NUDT5: variants seen among roughly 807,000 people sequenced by gnomAD.
The protein encoded by NUDT5 is ADP-sugar pyrophosphatase.
In NUDT5, 21 loss-of-function variants were observed where a neutral mutation model predicts 34.1. The observed-to-expected ratio is 0.62, with a 90% CI of 0.44 to 0.89. The LOEUF (loss-of-function observed/expected upper bound fraction) is 0.89. Ranked by LOEUF, NUDT5 falls within the 40% of genes least tolerant of loss-of-function variation. The probability of loss-of-function intolerance (pLI) is 0.00; values close to 1 mark genes in which losing one functional copy is unlikely to be tolerated. For missense variants in NUDT5, 249 were observed against 274.8 expected (o/e 0.91, Z 0.66); for synonymous variants, 85 against 97.6 (o/e 0.87, Z 0.76).
rs1834714606 is a variant in NUDT5 at position 12,166,985 on chromosome 10, A to G, written c.*717T>C. ...TCAGTCTTACAGATTTGTTTTCAGA[A>G]ACTTCAAGTACTCTTTGAGGTAAGA... On this transcript the variant is annotated 3_prime_UTR_variant, in exon 10 of 10. Transcript: ENST00000491614. 9.0e-6 allele frequency: 2 copies of G among 222,288 alleles called. No individual in the cohort carries two copies. The highest frequency in any genetic ancestry group is 2.3e-5 in the African/African-American group (1 of 43,022). 13.8% of individuals were successfully genotyped at this position (222,288 alleles called of 1,614,324 possible).
Position 12,169,536 on chromosome 10 carries a change from G to T in NUDT5, c.550+1181C>A. 2.1e-6 allele frequency: 1 copy of T among 482,798 alleles called. No homozygotes were observed. The allele number at this position is 482,798 out of a possible 1,614,324, so 29.9% of individuals were successfully genotyped here. ...CGAGCTGCGCTGCCTCGTATTGATT[G>T]TCATGCCTTTCTCCAAATACGCACC... On this transcript the variant is annotated intron_variant, in intron 9 of 9. Coordinates refer to ENST00000491614, the MANE Select transcript of NUDT5 (RefSeq NM_014142.4). The surrounding 1 kb of genome is among the most constrained non-coding windows in gnomAD (Gnocchi z 4.8).
Position 12,195,549 on chromosome 10 carries a change from T to G in NUDT5, c.-42+221A>C, listed in dbSNP as rs546536324. Among the ~76,000 whole-genome samples the G allele has an allele frequency of 6.6e-5, 10 of 152,346 alleles. No individual in the cohort carries two copies. In the East Asian group the frequency reaches 1.9e-3, roughly 29 times the overall value. On this transcript the variant is annotated intron_variant, in intron 1 of 9. Transcript: ENST00000491614. ...CTGGAACTAACACTTAGCTGTGGTGTTCCCCGCTTTCTTTACTCGGAGTAG... is the reference window on the plus strand; with the variant it reads ...CTGGAACTAACACTTAGCTGTGGTGGTCCCCGCTTTCTTTACTCGGAGTAG...
rs958696708 is a variant in NUDT5 at position 12,187,492 on chromosome 10, T to G, written c.-41-1160A>C. ...TCTTTATTCCTTCATTTTCGGACCT[T>G]GCCTGTCCGAAGGTCAAAGTCTTTT... is the stretch of plus-strand genomic sequence containing the variant. On this transcript the variant is annotated intron_variant, in intron 1 of 9. Transcript: ENST00000491614. The surrounding 1 kb of genome is among the most constrained non-coding windows in gnomAD (Gnocchi z 5.4). Among the ~76,000 whole-genome samples the G allele has an allele frequency of 1.3e-5, 2 of 152,232 alleles. No homozygotes were observed. Among genetic ancestry groups the G allele is most frequent in the African/African-American group, 4.8e-5 (2 of 41,458 alleles).
chr10:12,171,139 A>C lies in NUDT5; in HGVS notation c.488-231T>G, dbSNP rs1167306311. 2.6e-5 allele frequency among the ~76,000 whole-genome samples: 4 copies of C among 152,254 alleles called. No individual in the cohort carries two copies. Among genetic ancestry groups the C allele is most frequent in the Admixed American group, 2.0e-4 (3 of 15,282 alleles). The stretch of plus-strand genomic sequence containing the variant: ...CGATAGTATGTATATTTTTATAGAT[A>C]TGAATCTGCGTATTATGTAAAATAT... On this transcript the variant is annotated intron_variant, in intron 7 of 9. Transcript: ENST00000491614. The surrounding 1 kb of genome is among the most constrained non-coding windows in gnomAD (Gnocchi z 4.2).
Position 12,173,949 on chromosome 10 carries a change from C to T in NUDT5, c.290-136G>A. ...TGGTGCGATCTCGGCCCACTGCAAC[C>T]TCCGCCCGTCCAGGTTTAAGCAATT... On this transcript the variant is annotated intron_variant, in intron 5 of 9. Coordinates refer to ENST00000491614, the MANE Select transcript of NUDT5 (RefSeq NM_014142.4). This position sits in a 1 kb window ranked among gnomAD's most constrained non-coding sequence, Gnocchi z 4.7. 1.5e-6 allele frequency: 1 copy of T among 661,344 alleles called. No homozygotes were observed. Among genetic ancestry groups the T allele is most frequent in the East Asian group, 2.7e-5 (1 of 36,846 alleles). The allele number at this position is 661,344 out of a possible 1,614,324, so 41.0% of individuals were successfully genotyped here. A position where few individuals can be genotyped will look rare whatever the true frequency, so the allele number is the denominator to read the frequency against.
intron 5 of NUDT5, among the ~76,000 whole-genome samples, chr10:12,177,355 T>G (rs1312745654): frequency 1.3e-5 from 2 of 151,188 alleles, no homozygotes; most frequent in Non-Finnish European, 3.0e-5. Context: ...CTGTCTCTAC[T>G]AAAAATACAA....
rs1041914014 is a variant in NUDT5 at position 12,171,811 on chromosome 10, G to A, written c.488-903C>T. 4.0e-5 allele frequency among the ~76,000 whole-genome samples: 6 copies of A among 151,464 alleles called. No homozygotes were observed. The highest frequency in any genetic ancestry group is 8.8e-5 in the Non-Finnish European group (6 of 67,934). ...GTGATCTTGACTCACTGCAACCTCC[G>A]CCTCCTGGGTTCAAGTGATTCTTGT... On this transcript the variant is annotated intron_variant, in intron 7 of 9. Coordinates refer to ENST00000491614, the MANE Select transcript of NUDT5 (RefSeq NM_014142.4). The surrounding 1 kb of genome is among the most constrained non-coding windows in gnomAD (Gnocchi z 4.2).
Position 12,173,570 on chromosome 10 carries a change from G to T in NUDT5, c.385+148C>A. 1.5e-6 allele frequency: 1 copy of T among 646,854 alleles called. No individual in the cohort carries two copies. The allele number at this position is 646,854 out of a possible 1,614,324, so 40.1% of individuals were successfully genotyped here. A position where few individuals can be genotyped will look rare whatever the true frequency, so the allele number is the denominator to read the frequency against. On this transcript the variant is annotated intron_variant, in intron 6 of 9. Coordinates refer to ENST00000491614, the MANE Select transcript of NUDT5 (RefSeq NM_014142.4). The surrounding 1 kb of genome is among the most constrained non-coding windows in gnomAD (Gnocchi z 4.7). Reference sequence around the variant, plus strand: ...CCTTCTGGCTCCAGTTTCCTCCTGGGAGGGGAGATTCCCTTACACTTGGTG... The same window carrying T: ...CCTTCTGGCTCCAGTTTCCTCCTGGTAGGGGAGATTCCCTTACACTTGGTG...
intron 7 of NUDT5, chr10:12,172,432 A>T (rs1468942792): frequency 3.2e-6 from 1 of 315,326 alleles, no homozygotes; most frequent in Non-Finnish European, 6.1e-6. Flanking sequence ...TAAAATATAC[A>T]TGAAGACAGA....
chr10:12,169,934 AC>A lies in NUDT5; in HGVS notation c.550+782del. On this transcript the variant is annotated intron_variant, in intron 9 of 9. Transcript: ENST00000491614. This position sits in a 1 kb window ranked among gnomAD's most constrained non-coding sequence, Gnocchi z 4.8. The stretch of plus-strand genomic sequence containing the variant: ...GTTATCAATTACCTAAAACACTTAT[AC>A]CCAATAAAATATTCCCATGATGACA... The A allele has an allele frequency of 3.5e-6, 2 of 574,088 alleles. No individual in the cohort carries two copies. The highest frequency in any genetic ancestry group is 6.3e-5 in the Admixed American group (2 of 31,856). 35.6% of individuals were successfully genotyped at this position (574,088 alleles called of 1,614,324 possible). A position where few individuals can be genotyped will look rare whatever the true frequency, so the allele number is the denominator to read the frequency against.
At chr10:12,174,929 A>G (rs1018391796) in intron 5 of NUDT5, among the ~76,000 whole-genome samples, 2 of 115,106 alleles carry the variant, frequency 1.7e-5, no homozygotes, top group Non-Finnish European at 3.9e-5. Context: ...ACTGGTGGCC[A>G]TTAGGGGACT....
At position 12,166,830 on chromosome 10, in the gene NUDT5, G is replaced by A; in HGVS notation, c.*872C>T. ...ACTGGTAGAACTGCTAGATGACAGGGTTTCAGGCATGGGAACCAGATCAAT... is the reference window on the plus strand; with the variant it reads ...ACTGGTAGAACTGCTAGATGACAGGATTTCAGGCATGGGAACCAGATCAAT... On this transcript the variant is annotated 3_prime_UTR_variant, in exon 10 of 10. Coordinates refer to ENST00000491614, the MANE Select transcript of NUDT5 (RefSeq NM_014142.4). The A allele has an allele frequency of 2.2e-6, 1 of 457,228 alleles. No individual in the cohort carries two copies. Among genetic ancestry groups the A allele is most frequent in the South Asian group, 1.6e-5 (1 of 62,638 alleles). The allele number at this position is 457,228 out of a possible 1,614,324, so 28.3% of individuals were successfully genotyped here. A position where few individuals can be genotyped will look rare whatever the true frequency, so the allele number is the denominator to read the frequency against.
At position 12,177,838 on chromosome 10, in the gene NUDT5, G is replaced by C; in HGVS notation, c.244C>G (p.Gln82Glu). Reference sequence around the variant, plus strand: ...TAGCCCCCCATTGGTGGTCGGAACTGTTTCACCAGAACGATACACTCATAG... The same window carrying C: ...TAGCCCCCCATTGGTGGTCGGAACTCTTTCACCAGAACGATACACTCATAG... Reference protein sequence around the residue: ...LHYECIVLVKQFRPPMGGYCI... With the variant: ...LHYECIVLVKEFRPPMGGYCI... The change falls in exon 5 of 10, where the codon CAG becomes GAG. Residue 82 changes from glutamine to glutamate, a missense_variant. Gln to Glu is a conservative substitution (Grantham distance 29, BLOSUM62 2). Coordinates refer to ENST00000491614, the MANE Select transcript of NUDT5 (RefSeq NM_014142.4). 2 of 1,614,150 alleles carry C rather than the reference G, an allele frequency of 1.2e-6. No homozygotes were observed. Among genetic ancestry groups the C allele is most frequent in the Non-Finnish European group, 1.7e-6 (2 of 1,180,006 alleles).
chr10:12,171,085 ATGT>A lies in NUDT5; in HGVS notation c.488-180_488-178del, dbSNP rs1834843133. ...GTATGAAGTTATTGTTCTCCACATAATGTTAAGTAGCAAAATTTAAAGCATATT... is the reference window on the plus strand; with the variant it reads ...GTATGAAGTTATTGTTCTCCACATAATAAGTAGCAAAATTTAAAGCATATT... On this transcript the variant is annotated intron_variant, in intron 7 of 9. Transcript: ENST00000491614. This position sits in a 1 kb window ranked among gnomAD's most constrained non-coding sequence, Gnocchi z 4.2. Among the ~76,000 whole-genome samples, 1 of 152,218 alleles carries A rather than the reference ATGT, an allele frequency of 6.6e-6. No individual in the cohort carries two copies. Among genetic ancestry groups the A allele is most frequent in the South Asian group, 2.1e-4 (1 of 4,834 alleles).
rs1393708021 is a variant in NUDT5, at chr10:12,181,265, T to C, written c.132-2133A>G. On this transcript the variant is annotated intron_variant, in intron 3 of 9. Transcript: ENST00000491614. This position sits in a 1 kb window ranked among gnomAD's most constrained non-coding sequence, Gnocchi z 5.0. ...AGTGCGTGGGAGGATGTGCATAGGTTAGAGGCAAATACATACTGAGTATCT... is the reference window on the plus strand; with the variant it reads ...AGTGCGTGGGAGGATGTGCATAGGTCAGAGGCAAATACATACTGAGTATCT... Among the ~76,000 whole-genome samples the C allele has an allele frequency of 1.3e-5, 2 of 152,186 alleles. No homozygotes were observed. Among genetic ancestry groups the C allele is most frequent in the African/African-American group, 2.4e-5 (1 of 41,430 alleles).
In NUDT5 at chr10:12,169,471, A is replaced by G; in HGVS notation, c.550+1246T>C. ...AACCTGTTTGATGTGATAGCTAATTATGGTCCGCGGAGCCTCAAACCGAGT... is the reference window on the plus strand; with the variant it reads ...AACCTGTTTGATGTGATAGCTAATTGTGGTCCGCGGAGCCTCAAACCGAGT... On this transcript the variant is annotated intron_variant, in intron 9 of 9. Coordinates refer to ENST00000491614, the MANE Select transcript of NUDT5 (RefSeq NM_014142.4). The surrounding 1 kb of genome is among the most constrained non-coding windows in gnomAD (Gnocchi z 4.8). 1.7e-6 allele frequency: 1 copy of G among 600,598 alleles called. No homozygotes were observed. Among genetic ancestry groups the G allele is most frequent in the South Asian group, 2.3e-5 (1 of 43,222 alleles). The allele number at this position is 600,598 out of a possible 1,614,324, so 37.2% of individuals were successfully genotyped here.
chr10:12,167,864 C>T lies in NUDT5; in HGVS notation c.551-53G>A, dbSNP rs547031225. On this transcript the variant is annotated intron_variant, in intron 9 of 9. Coordinates refer to ENST00000491614, the MANE Select transcript of NUDT5 (RefSeq NM_014142.4). Reference sequence around the variant, plus strand: ...ATCATGCCGTTAAGGAAGGACAAAACATCTTATTCAATCAGTGTTTGCGCA... The same window carrying T: ...ATCATGCCGTTAAGGAAGGACAAAATATCTTATTCAATCAGTGTTTGCGCA... 1.9e-6 allele frequency: 3 copies of T among 1,606,466 alleles called. No homozygotes were observed. The African/African-American group carries it at 4.0e-5, about 22-fold the overall frequency.
At chr10:12,194,626 C>A (rs143039702) in intron 1 of NUDT5, among the ~76,000 whole-genome samples, 1 of 152,340 alleles carries the variant, frequency 6.6e-6, no homozygotes, top group African/African-American at 2.4e-5. Context: ...AAACAAAACA[C>A]AACCCAAAAC....
chr10:12,176,955 C>G (rs1834959634), intron 5 of NUDT5, among the ~76,000 whole-genome samples: 1 of 152,026 alleles, frequency 6.6e-6, no homozygotes, highest in Non-Finnish European at 1.5e-5. Flanking sequence ...AACCCTGTCT[C>G]TACAAAAAAT....
Sources: gnomAD v4.1 joint callset for allele counts (sites outside exome capture counted in the v4.1 genomes callset) on GRCh38, gnomAD v4.1.1 for gene constraint, Gnocchi (gnomAD v3.1) non-coding constraint, MANE v1.5 for transcripts, NCBI Gene and HGNC (gene_info 2026-07-23, HGNC 2026-07-21) for gene names.